Variants in GORASP1 observed in about 807,000 individuals in gnomAD.
The protein encoded by GORASP1 is Golgi reassembly-stacking protein 1.
Under a neutral mutation model 37.7 loss-of-function variants are expected in GORASP1, and 31 were observed. The observed-to-expected ratio is 0.82, with a 90% CI of 0.62 to 1.11. The LOEUF (loss-of-function observed/expected upper bound fraction) is 1.11, where lower values mean the gene tolerates loss of function less well. Among genes scored for constraint, GORASP1 ranks in the 50% least tolerant of loss-of-function variants. GORASP1 has a pLI of 0.00. For synonymous variants in GORASP1, 204 were observed against 224.8 expected (o/e 0.91, Z 0.83); for missense variants, 476 against 560.7 (o/e 0.85, Z 1.53).
rs974654141 is a variant in GORASP1 at position 39,105,823 on chromosome 3, C to G, written c.63+1656G>C. ...GGTCTGCTCTGGTCTCCTCCTCACA[C>G]TGGCCACACCATCCAAGCACACCAG... On this transcript the variant is annotated intron_variant, in intron 1 of 8. Coordinates refer to ENST00000319283, the MANE Select transcript of GORASP1 (RefSeq NM_031899.4). This position sits in a 1 kb window ranked among gnomAD's most constrained non-coding sequence, Gnocchi z 5.4. Among the ~76,000 whole-genome samples the G allele has an allele frequency of 1.3e-5, 2 of 152,210 alleles. No individual in the cohort carries two copies. The highest frequency in any genetic ancestry group is 1.3e-4 in the Admixed American group (2 of 15,290).
intron 6 of GORASP1, among the ~76,000 whole-genome samples, chr3:39,099,861 C>A (rs184944492): frequency 1.3e-5 from 2 of 152,296 alleles, no homozygotes; most frequent in East Asian, 3.9e-4. Context: ...CTTGAATACT[C>A]CCTGGCCTAG....
At chr3:39,099,084 T>C in intron 7 of GORASP1, 191 bp from the exon 8 acceptor site, 2 of 827,942 alleles carry the variant, frequency 2.4e-6, no homozygotes, top group South Asian at 1.5e-5. Context: ...GAAAGGGGCC[T>C]GGAGTTGGTC....
At position 39,102,596 on chromosome 3, in the gene GORASP1, C is replaced by A; in HGVS notation, c.348+82G>T. 1 of 1,405,126 alleles carries A rather than the reference C, an allele frequency of 7.1e-7. No individual in the cohort carries two copies. The highest frequency in any genetic ancestry group is 9.9e-7 in the Non-Finnish European group (1 of 1,008,686). The allele number at this position is 1,405,126 out of a possible 1,614,324, so 87.0% of individuals were successfully genotyped here. ...TCCCACTCCACTCCTGCATGTACCCCCTCACACCCCGCCCACACCCAGACC... is the reference window on the plus strand; with the variant it reads ...TCCCACTCCACTCCTGCATGTACCCACTCACACCCCGCCCACACCCAGACC... On this transcript the variant is annotated intron_variant, in intron 3 of 8. Coordinates refer to ENST00000319283, the MANE Select transcript of GORASP1 (RefSeq NM_031899.4). The surrounding 1 kb of genome is among the most constrained non-coding windows in gnomAD (Gnocchi z 5.0).
At chr3:39,107,313 G>T in intron 1 of GORASP1, 166 bp downstream of exon 1, 1 of 467,804 alleles carries the variant, frequency 2.1e-6, no homozygotes, top group Non-Finnish European at 3.7e-6. Context: ...CCGCGAGGCC[G>T]CCTCTCCCAG....
Position 39,097,860 on chromosome 3 carries a change from G to A in GORASP1, c.*376C>T. On this transcript the variant is annotated 3_prime_UTR_variant, in exon 9 of 9. Coordinates refer to ENST00000319283, the MANE Select transcript of GORASP1 (RefSeq NM_031899.4). ...GGACTCAGTGTTTGGGACTTGAAAG[G>A]GGGTGGTCCCAGGGCTCCAGGGTCC... 5.1e-6 allele frequency: 1 copy of A among 197,290 alleles called. No homozygotes were observed. The highest frequency in any genetic ancestry group is 1.0e-5 in the Non-Finnish European group (1 of 97,964). 12.2% of individuals were successfully genotyped at this position (197,290 alleles called of 1,614,324 possible).
Position 39,103,172 on chromosome 3 carries a change from T to C in GORASP1, c.145-291A>G, listed in dbSNP as rs924685364. 1 of 590,886 alleles carries C rather than the reference T, an allele frequency of 1.7e-6. No homozygotes were observed. 36.6% of individuals were successfully genotyped at this position (590,886 alleles called of 1,614,324 possible). A position where few individuals can be genotyped will look rare whatever the true frequency, so the allele number is the denominator to read the frequency against. On this transcript the variant is annotated intron_variant, in intron 2 of 8. Coordinates refer to ENST00000319283, the MANE Select transcript of GORASP1 (RefSeq NM_031899.4). The surrounding 1 kb of genome is among the most constrained non-coding windows in gnomAD (Gnocchi z 5.2). The stretch of plus-strand genomic sequence containing the variant: ...CCACAGCATTCCAGTGCTGCCCCAC[T>C]CTGAGCTGCCCCTTGGCCAGGGCCC...
rs1174859036 is a variant in GORASP1, at chr3:39,100,349, A to G, written c.721T>C (p.Ser241Pro). 6.2e-7 allele frequency: 1 copy of G among 1,614,128 alleles called. No individual in the cohort carries two copies. The highest frequency in any genetic ancestry group is 2.2e-5 in the East Asian group (1 of 44,880). Residue 241 changes from serine to proline, a missense_variant, in exon 6 of 9, where the codon TCT becomes CCT. Physicochemically the swap from Ser to Pro is moderately conservative, Grantham distance 74. Coordinates refer to ENST00000319283, the MANE Select transcript of GORASP1 (RefSeq NM_031899.4). The surrounding 1 kb of genome is among the most constrained non-coding windows in gnomAD (Gnocchi z 4.6). ...CTGGAACCTGTCTCCAGGGAAGGAGAGTCCTCGGGGGTGGGTCCAGGTGGT... is the reference window on the plus strand; with the variant it reads ...CTGGAACCTGTCTCCAGGGAAGGAGGGTCCTCGGGGGTGGGTCCAGGTGGT... The part of the protein sequence containing the change: ...ALPPGPTPED[S>P]PSLETGSRQS...
rs1210603887 is a variant in GORASP1 at position 39,103,043 on chromosome 3, C to G, written c.145-162G>C. 5 of 695,734 alleles carry G rather than the reference C, an allele frequency of 7.2e-6. No individual in the cohort carries two copies. In the Admixed American group the frequency reaches 1.1e-4, roughly 15 times the overall value. The allele number at this position is 695,734 out of a possible 1,614,324, so 43.1% of individuals were successfully genotyped here. ...GTAGTGGATGGGCCAGGTTCACAGA[C>G]CAGGGTTGAGCCTGCAGCCACTGGG... On this transcript the variant is annotated intron_variant, in intron 2 of 8. Transcript: ENST00000319283. This position sits in a 1 kb window ranked among gnomAD's most constrained non-coding sequence, Gnocchi z 5.2.
intron 3 of GORASP1, chr3:39,101,618 G>A (rs989983315): frequency 1.8e-5 from 8 of 454,448 alleles, no homozygotes; most frequent in Non-Finnish European, 3.1e-5. Context: ...TACAAATAAG[G>A]ATTCCCTTCT....
Position 39,100,853 on chromosome 3 carries a change from CG to C in GORASP1, c.459del (p.Ile153MetfsTer9), listed in dbSNP as rs770567562. 7.4e-6 allele frequency: 12 copies of C among 1,614,190 alleles called. No individual in the cohort carries two copies. Among genetic ancestry groups the C allele is most frequent in the Non-Finnish European group, 9.3e-6 (11 of 1,180,022 alleles). On this transcript the variant is annotated frameshift_variant, in exon 5 of 9. Transcript: ENST00000319283. LOFTEE classifies it high-confidence loss of function. This position sits in a 1 kb window ranked among gnomAD's most constrained non-coding sequence, Gnocchi z 4.6. The part of the protein sequence containing the change: ...LQESEDFFTL[I>X]ESHEGKPLKL... ...TTCAAGGGCTTCCCCTCATGAGACT[CG>C]ATGAGCGTAAAGAAGTCCTCGGACT...
intron 7 of GORASP1, 115 bp downstream of exon 7, chr3:39,099,238 A>G (rs1313995847): frequency 2.6e-6 from 3 of 1,166,818 alleles, no homozygotes; most frequent in African/African-American, 3.0e-5. Context: ...ACTATTAAAT[A>G]TCTTGGTATA....
rs972823678 is a variant in GORASP1 at position 39,096,757 on chromosome 3, C to G, written c.*1479G>C. ...AGAAACCTCTGGTTTCATGTTCTCC[C>G]TGGAAATATTAGCATTGATACCCAT... is the stretch of plus-strand genomic sequence containing the variant. On this transcript the variant is annotated 3_prime_UTR_variant, in exon 9 of 9. Transcript: ENST00000319283. The G allele has an allele frequency of 6.6e-6, 1 of 152,286 alleles. No homozygotes were observed. Among genetic ancestry groups the G allele is most frequent in the African/African-American group, 2.4e-5 (1 of 41,548 alleles). 9.4% of individuals were successfully genotyped at this position (152,286 alleles called of 1,614,324 possible).
rs2035437169 is a variant in GORASP1 at position 39,097,860 on chromosome 3, G to C, written c.*376C>G. On this transcript the variant is annotated 3_prime_UTR_variant, in exon 9 of 9. Transcript: ENST00000319283. ...GGACTCAGTGTTTGGGACTTGAAAG[G>C]GGGTGGTCCCAGGGCTCCAGGGTCC... 5.1e-6 allele frequency: 1 copy of C among 197,290 alleles called. No homozygotes were observed. Among genetic ancestry groups the C allele is most frequent in the Admixed American group, 5.8e-5 (1 of 17,192 alleles). 12.2% of individuals were successfully genotyped at this position (197,290 alleles called of 1,614,324 possible).
chr3:39,098,912 G>C lies in GORASP1; in HGVS notation c.917-19C>G. ...AGGAAGCCTAGGGGAGGGTGGTGCA[G>C]TTCTTTGCCAGCAAGAAACCCTGAC... On this transcript the variant is annotated intron_variant, in intron 7 of 8. Coordinates refer to ENST00000319283, the MANE Select transcript of GORASP1 (RefSeq NM_031899.4). This position sits in a 1 kb window ranked among gnomAD's most constrained non-coding sequence, Gnocchi z 4.7. 1.2e-6 allele frequency: 2 copies of C among 1,612,970 alleles called. No homozygotes were observed.
In GORASP1 at chr3:39,102,587, C is replaced by G; in HGVS notation, c.348+91G>C. On this transcript the variant is annotated intron_variant, in intron 3 of 8. Transcript: ENST00000319283. The surrounding 1 kb of genome is among the most constrained non-coding windows in gnomAD (Gnocchi z 5.0). ...CTCCAAGGCTCCCACTCCACTCCTG[C>G]ATGTACCCCCTCACACCCCGCCCAC... is the stretch of plus-strand genomic sequence containing the variant. 7.8e-7 allele frequency: 1 copy of G among 1,276,256 alleles called. No homozygotes were observed. Among genetic ancestry groups the G allele is most frequent in the Non-Finnish European group, 1.1e-6 (1 of 897,262 alleles). 79.1% of individuals were successfully genotyped at this position (1,276,256 alleles called of 1,614,324 possible).
chr3:39,101,071 G>T lies in GORASP1; in HGVS notation c.380C>A (p.Ala127Asp), dbSNP rs61743223. The T allele has an allele frequency of 6.2e-7, 1 of 1,614,118 alleles. No homozygotes were observed. The highest frequency in any genetic ancestry group is 8.5e-7 in the Non-Finnish European group (1 of 1,179,976). Residue 127 changes from alanine (A) to aspartate (D), a missense_variant, in exon 4 of 9, where the codon GCC becomes GAC. Coordinates refer to ENST00000319283, the MANE Select transcript of GORASP1 (RefSeq NM_031899.4). Reference protein sequence around the residue: ...DVEPSSPAALAGLRPYTDYVV... With the variant: ...DVEPSSPAALDGLRPYTDYVV... The stretch of plus-strand genomic sequence containing the variant: ...ATAGTCTGTGTAGGGGCGCAGGCCG[G>T]CAAGGGCAGCAGGTGAAGATGGTTC...
chr3:39,101,034 C>T lies in GORASP1; in HGVS notation c.417G>A (p.Ser139=), dbSNP rs780080025. Residue 139 remains serine, a synonymous_variant, in exon 4 of 9, where the codon TCG becomes TCA. Coordinates refer to ENST00000319283, the MANE Select transcript of GORASP1 (RefSeq NM_031899.4). ...LRPYTDYVVG[S]DQILQESEDF... ...TCCTCACCTCCTGGAGAATCTGGTC[C>T]GAACCAACCACATAGTCTGTGTAGG... The T allele has an allele frequency of 8.1e-6, 13 of 1,614,012 alleles. No individual in the cohort carries two copies. In the East Asian group the frequency reaches 2.0e-4, roughly 25 times the overall value.
In GORASP1 at chr3:39,100,673, A is replaced by C; in HGVS notation, c.566+74T>G. ...CCCAACCCTCCTCCATCTCCACCAT[A>C]GAACTCTGAGGTCCATGCCCAATGG... On this transcript the variant is annotated intron_variant, in intron 5 of 8. Coordinates refer to ENST00000319283, the MANE Select transcript of GORASP1 (RefSeq NM_031899.4). This position sits in a 1 kb window ranked among gnomAD's most constrained non-coding sequence, Gnocchi z 4.6. 1 of 1,574,040 alleles carries C rather than the reference A, an allele frequency of 6.4e-7. No individual in the cohort carries two copies. Among genetic ancestry groups the C allele is most frequent in the Non-Finnish European group, 8.6e-7 (1 of 1,158,232 alleles).
chr3:39,098,604 G>T lies in GORASP1; in HGVS notation c.1070-115C>A. On this transcript the variant is annotated intron_variant, in intron 8 of 8. Coordinates refer to ENST00000319283, the MANE Select transcript of GORASP1 (RefSeq NM_031899.4). This position sits in a 1 kb window ranked among gnomAD's most constrained non-coding sequence, Gnocchi z 4.7. Reference sequence around the variant, plus strand: ...CCACTCCAGGTTTGATGGGGGATTGGAGATGGAGTGTACAAATGCCTTGGT... The same window carrying T: ...CCACTCCAGGTTTGATGGGGGATTGTAGATGGAGTGTACAAATGCCTTGGT... 6.7e-7 allele frequency: 1 copy of T among 1,498,858 alleles called. No homozygotes were observed. The highest frequency in any genetic ancestry group is 1.3e-5 in the South Asian group (1 of 77,560). 92.8% of individuals were successfully genotyped at this position (1,498,858 alleles called of 1,614,324 possible).
Sources: allele counts gnomAD v4.1 joint callset (sites outside exome capture counted in the v4.1 genomes callset), GRCh38; gene constraint gnomAD v4.1.1; non-coding constraint Gnocchi (gnomAD v3.1); transcripts MANE v1.5; gene names NCBI Gene and HGNC (gene_info 2026-07-23, HGNC 2026-07-21).